The following DPYSL2 variants were observed in gnomAD, a reference collection of about 807,000 sequenced individuals.
DPYSL2 encodes the protein dihydropyrimidinase-related protein 2.
Under a neutral mutation model 69.9 loss-of-function variants are expected in DPYSL2, and 13 were observed. That is an observed-to-expected ratio of 0.19 (90% CI 0.12 to 0.30). The LOEUF (loss-of-function observed/expected upper bound fraction) is 0.30. Ranked by LOEUF, DPYSL2 falls within the 10% of genes least tolerant of loss-of-function variation. The pLI is 1.00. For missense variants in DPYSL2, 587 were observed against 918.9 expected (o/e 0.64, Z 4.67); for synonymous variants, 326 against 359.1 (o/e 0.91, Z 1.04).
chr8:26,566,712 T>TA (rs1201793575), intron 1 of DPYSL2, among the ~76,000 whole-genome samples: 2 of 152,200 alleles, frequency 1.3e-5, no homozygotes, highest in African/African-American at 4.8e-5. Context: ...GACCTGGTTG[T>TA]AAATTTCATG....
Position 26,648,798 on chromosome 8 carries a change from G to C in DPYSL2, c.1596+998G>C, listed in dbSNP as rs1370477330. Among the ~76,000 whole-genome samples, 7 of 152,346 alleles carry C rather than the reference G, an allele frequency of 4.6e-5. No individual in the cohort carries two copies. The highest frequency in any genetic ancestry group is 7.2e-5 in the African/African-American group (3 of 41,582). On this transcript the variant is annotated intron_variant, in intron 11 of 13. Coordinates refer to ENST00000521913, the MANE Select transcript of DPYSL2 (RefSeq NM_001197293.3). This position sits in a 1 kb window ranked among gnomAD's most constrained non-coding sequence, Gnocchi z 4.3. ...CAGTCCTCTCTCATTTGCACACACA[G>C]AGGTGTTTGGGCTGCAATGGGCTCA...
At chr8:26,575,016 C>T (rs1801303849) in intron 1 of DPYSL2, among the ~76,000 whole-genome samples, 3 of 152,240 alleles carry the variant, frequency 2.0e-5, no homozygotes, top group Admixed American at 2.0e-4. Flanking sequence ...TCACTGCAAC[C>T]TCCGCCTCCC....
chr8:26,589,083 CCCT>C (rs1472617026), intron 3 of DPYSL2, among the ~76,000 whole-genome samples: 1 of 152,124 alleles, frequency 6.6e-6, no homozygotes, highest in African/African-American at 2.4e-5. Context: ...TTCAGTGACT[CCCT>C]CTTGCTCAGA....
At chr8:26,540,754 A>C (rs1195350485) in intron 1 of DPYSL2, among the ~76,000 whole-genome samples, 1 of 152,008 alleles carries the variant, frequency 6.6e-6, no homozygotes. Flanking sequence ...AAAAATACAA[A>C]ATTACCTAGG....
At chr8:26,637,528 T>G (rs1802947666) in intron 8 of DPYSL2, 1 of 152,244 alleles carries the variant, frequency 6.6e-6, no homozygotes. Flanking sequence ...TGAGATTATT[T>G]TAATACGGTG....
intron 3 of DPYSL2, among the ~76,000 whole-genome samples, chr8:26,584,702 C>T (rs2129743725): frequency 6.7e-6 from 1 of 149,610 alleles, no homozygotes; most frequent in African/African-American, 2.5e-5. Flanking sequence ...TCACTGCAAC[C>T]TCTGCCTCCC....
Position 26,633,957 on chromosome 8 carries a change from C to T in DPYSL2, c.1006-823C>T, listed in dbSNP as rs73678825. ...AGGCTGCATTGTTTCGTGGGTGATG[C>T]TGACTTCATTCATGAGCATTTAATG... On this transcript the variant is annotated intron_variant, in intron 7 of 13. Coordinates refer to ENST00000521913, the MANE Select transcript of DPYSL2 (RefSeq NM_001197293.3). Among the ~76,000 whole-genome samples the T allele has an allele frequency of 2.7e-3, 407 of 152,360 alleles. 4 individuals carry two copies. The highest frequency in any genetic ancestry group is 9.5e-3 in the African/African-American group (393 of 41,584).
chr8:26,558,407 G>A (rs545734406), intron 1 of DPYSL2, among the ~76,000 whole-genome samples: 3 of 152,326 alleles, frequency 2.0e-5, no homozygotes, highest in African/African-American at 7.2e-5. Context: ...AAAGATCAGT[G>A]TTTACCATGG....
chr8:26,523,142 CAGACATACATGTATAT>C (rs1407843007), intron 1 of DPYSL2, among the ~76,000 whole-genome samples: 5 of 151,042 alleles, frequency 3.3e-5, no homozygotes, highest in Non-Finnish European at 5.9e-5. Flanking sequence ...TGTATGTATA[CAGACATACATGTATAT>C]ATATATATAT....
At chr8:26,581,081 C>T (rs1175008622) in intron 1 of DPYSL2, among the ~76,000 whole-genome samples, 2 of 152,178 alleles carry the variant, frequency 1.3e-5, no homozygotes, top group South Asian at 2.1e-4. Context: ...TTCTTAACAG[C>T]CTAGTTAAAA....
chr8:26,653,208 T>C lies in DPYSL2; in HGVS notation c.1777-24T>C. On this transcript the variant is annotated intron_variant, in intron 12 of 13. Coordinates refer to ENST00000521913, the MANE Select transcript of DPYSL2 (RefSeq NM_001197293.3). The surrounding 1 kb of genome is among the most constrained non-coding windows in gnomAD (Gnocchi z 5.7). Reference sequence around the variant, plus strand: ...TATCCTCTGTGGCTGTGGCCTGAGCTGGGGGGACTCTTGTGTTTTGCAGCT... The same window carrying C: ...TATCCTCTGTGGCTGTGGCCTGAGCCGGGGGGACTCTTGTGTTTTGCAGCT... 1 of 1,610,648 alleles carries C rather than the reference T, an allele frequency of 6.2e-7. No homozygotes were observed. The highest frequency in any genetic ancestry group is 8.5e-7 in the Non-Finnish European group (1 of 1,178,010).
chr8:26,588,038 T>C lies in DPYSL2; in HGVS notation c.628+4055T>C, dbSNP rs773838073. 9.9e-5 allele frequency among the ~76,000 whole-genome samples: 15 copies of C among 152,156 alleles called. No individual in the cohort carries two copies. The highest frequency in any genetic ancestry group is 2.1e-4 in the Non-Finnish European group (14 of 68,032). On this transcript the variant is annotated intron_variant, in intron 3 of 13. Transcript: ENST00000521913. The surrounding 1 kb of genome is among the most constrained non-coding windows in gnomAD (Gnocchi z 5.4). ...TTTGCTCTCAGCCTCAGTGGCCTCA[T>C]CTGCAAAATGGGGCAAGTTTTGACA...
At chr8:26,603,522 C>T (rs750292104) in intron 3 of DPYSL2, among the ~76,000 whole-genome samples, 25 of 152,316 alleles carry the variant, frequency 1.6e-4, no homozygotes, top group South Asian at 1.2e-3. Flanking sequence ...TTTTACCACT[C>T]GAACTATTAT....
chr8:26,581,308 T>A (rs1455459029), intron 1 of DPYSL2, among the ~76,000 whole-genome samples: 1 of 152,074 alleles, frequency 6.6e-6, no homozygotes, highest in African/African-American at 2.4e-5. Flanking sequence ...TGTAGGTGGT[T>A]TTTTTTGTTG....
chr8:26,537,633 C>CACACACACACACACAA (rs767431643), intron 1 of DPYSL2, among the ~76,000 whole-genome samples: 1 of 151,830 alleles, frequency 6.6e-6, no homozygotes, highest in Admixed American at 6.6e-5. Flanking sequence ...CACACACACA[C>CACACACACACACACAA]AACTGTATAT....
At chr8:26,527,120 C>T (rs1247424171) in intron 1 of DPYSL2, among the ~76,000 whole-genome samples, 1 of 152,132 alleles carries the variant, frequency 6.6e-6, no homozygotes, top group Non-Finnish European at 1.5e-5. Flanking sequence ...TTGTCTTGGT[C>T]CATCCTGGAC....
intron 1 of DPYSL2, among the ~76,000 whole-genome samples, chr8:26,518,299 C>CA (rs995258926): frequency 3.9e-5 from 6 of 151,954 alleles, no homozygotes; most frequent in Non-Finnish European, 7.4e-5. Flanking sequence ...TTCAGGATTC[C>CA]AAAAAACCTA....
chr8:26,569,354 CAA>C (rs771471331), intron 1 of DPYSL2, among the ~76,000 whole-genome samples: 5 of 52,274 alleles, frequency 9.6e-5, no homozygotes, highest in Non-Finnish European at 1.2e-4. Context: ...ACCCTATCTC[CAA>C]AAAAAAAACA....
chr8:26,551,249 C>G (rs771328536), intron 1 of DPYSL2, among the ~76,000 whole-genome samples: 34 of 152,294 alleles, frequency 2.2e-4, no homozygotes, highest in South Asian at 1.4e-3. Flanking sequence ...ACTATCACAC[C>G]ATGCTAACAG....
Sources: gnomAD v4.1 joint callset for allele counts (sites outside exome capture counted in the v4.1 genomes callset) on GRCh38, gnomAD v4.1.1 for gene constraint, Gnocchi (gnomAD v3.1) non-coding constraint, MANE v1.5 for transcripts, NCBI Gene and HGNC (gene_info 2026-07-23, HGNC 2026-07-21) for gene names.